NOVA1: variants seen among roughly 807,000 people sequenced by gnomAD.
The protein encoded by NOVA1 is NOVA alternative splicing regulator 1, also known as RNA-binding protein Nova-1.
Under a neutral mutation model 38.0 loss-of-function variants are expected in NOVA1, and 7 were observed. The observed-to-expected ratio is 0.18, with a 90% CI of 0.10 to 0.35. The LOEUF (loss-of-function observed/expected upper bound fraction) is 0.35. Ranked by LOEUF, NOVA1 falls within the 10% of genes least tolerant of loss-of-function variation. NOVA1 has a pLI of 1.00. For synonymous variants in NOVA1, 270 were observed against 232.5 expected (o/e 1.16, Z -1.47); for missense variants, 460 against 616.0 (o/e 0.75, Z 2.68).
chr14:26,474,037 T>C (rs924197197), intron 3 of NOVA1, among the ~76,000 whole-genome samples: 1 of 152,034 alleles, frequency 6.6e-6, no homozygotes, highest in African/African-American at 2.4e-5. Flanking sequence ...GATTGTTCTA[T>C]GAATTGAACA....
chr14:26,533,690 T>C (rs1256469516), intron 2 of NOVA1, among the ~76,000 whole-genome samples: 1 of 152,192 alleles, frequency 6.6e-6, no homozygotes, highest in Non-Finnish European at 1.5e-5. Flanking sequence ...TTTCTATTTC[T>C]TATGTCTCTA....
chr14:26,509,434 C>G (rs1887889716), intron 2 of NOVA1, among the ~76,000 whole-genome samples: 1 of 151,900 alleles, frequency 6.6e-6, no homozygotes, highest in Admixed American at 6.6e-5. Flanking sequence ...CAAAAGTTAG[C>G]AATTAAGTAT....
In NOVA1 at chr14:26,546,667, G is replaced by A. The variant is rs1413820830; in HGVS notation, c.280+48743C>T. 2.0e-5 allele frequency among the ~76,000 whole-genome samples: 3 copies of A among 152,046 alleles called. No individual in the cohort carries two copies. In the East Asian group the frequency reaches 5.8e-4, roughly 29 times the overall value. On this transcript the variant is annotated intron_variant, in intron 2 of 4. Coordinates refer to ENST00000539517, the MANE Select transcript of NOVA1 (RefSeq NM_002515.3). The stretch of plus-strand genomic sequence containing the variant: ...AGCCTCTAATGGAAAGCTAGATGTT[G>A]CCAGGACATTATCACAAGAGGTCTA...
At chr14:26,544,785 G>A (rs1026636530) in intron 2 of NOVA1, among the ~76,000 whole-genome samples, 1 of 151,974 alleles carries the variant, frequency 6.6e-6, no homozygotes, top group Non-Finnish European at 1.5e-5. Flanking sequence ...CACTTAAACA[G>A]CATTTTATCA....
chr14:26,486,422 G>A (rs1885893262), intron 2 of NOVA1, among the ~76,000 whole-genome samples: 1 of 151,780 alleles, frequency 6.6e-6, no homozygotes, highest in African/African-American at 2.4e-5. Context: ...TAACAAGTAG[G>A]TTCCGGGCCG....
intron 2 of NOVA1, among the ~76,000 whole-genome samples, chr14:26,534,286 C>A (rs1039938823): frequency 3.3e-5 from 5 of 152,118 alleles, no homozygotes; most frequent in African/African-American, 9.7e-5. Context: ...TACATAAATA[C>A]AACAAAACAT....
At chr14:26,543,505 T>A (rs1382882377) in intron 2 of NOVA1, among the ~76,000 whole-genome samples, 2 of 151,910 alleles carry the variant, frequency 1.3e-5, no homozygotes, top group African/African-American at 4.8e-5. Flanking sequence ...AACAAAGTAT[T>A]AATGAGAACA....
chr14:26,449,607 A>T (rs1882451148), intron 4 of NOVA1, among the ~76,000 whole-genome samples: 1 of 152,210 alleles, frequency 6.6e-6, no homozygotes, highest in South Asian at 2.1e-4. Context: ...GTTATTTCTA[A>T]ATAATTAATA....
chr14:26,582,835 A>G (rs1312239796), intron 2 of NOVA1, among the ~76,000 whole-genome samples: 1 of 151,786 alleles, frequency 6.6e-6, no homozygotes, highest in Admixed American at 6.6e-5. Context: ...AGGAGACTAT[A>G]TCATAAAAGT....
intron 4 of NOVA1, among the ~76,000 whole-genome samples, chr14:26,458,154 G>GT (rs1477305272): frequency 1.3e-5 from 2 of 151,950 alleles, no homozygotes; most frequent in Non-Finnish European, 2.9e-5. Flanking sequence ...ACTCAGAATG[G>GT]TTATTAAAAA....
At chr14:26,476,958 G>T (rs1021015219) in intron 3 of NOVA1, among the ~76,000 whole-genome samples, 2 of 147,992 alleles carry the variant, frequency 1.4e-5, no homozygotes, top group African/African-American at 2.6e-5. Context: ...CAGGTGCTCT[G>T]CTCGCCTCAG....
chr14:26,549,632 T>C, intron 2 of NOVA1: 1 of 801,522 alleles, frequency 1.2e-6, no homozygotes, highest in South Asian at 1.6e-5. Flanking sequence ...ATTTGTTATT[T>C]TCTCTTATTG....
intron 2 of NOVA1, among the ~76,000 whole-genome samples, chr14:26,498,115 A>G: frequency 6.6e-6 from 1 of 152,122 alleles, no homozygotes; most frequent in Non-Finnish European, 1.5e-5. Context: ...GCTGGAGTGT[A>G]GTGGTGCGAT....
At chr14:26,504,766 C>T (rs527517794) in intron 2 of NOVA1, among the ~76,000 whole-genome samples, 2 of 113,126 alleles carry the variant, frequency 1.8e-5, no homozygotes, top group Admixed American at 2.1e-4. Context: ...AATGAACAAA[C>T]GACAGTAAGT....
At chr14:26,455,769 T>C (rs1883123048) in intron 4 of NOVA1, among the ~76,000 whole-genome samples, 2 of 152,022 alleles carry the variant, frequency 1.3e-5, no homozygotes, top group Admixed American at 1.3e-4. Flanking sequence ...ACTATTCCTG[T>C]TGAGATGATG....
chr14:26,543,086 G>A (rs2138606083), intron 2 of NOVA1, among the ~76,000 whole-genome samples: 1 of 152,054 alleles, frequency 6.6e-6, no homozygotes, highest in South Asian at 2.1e-4. Flanking sequence ...TGAGGTGATG[G>A]ATATCCCAAT....
intron 2 of NOVA1, among the ~76,000 whole-genome samples, chr14:26,556,271 G>A (rs1891473369): frequency 6.6e-6 from 1 of 152,072 alleles, no homozygotes; most frequent in Non-Finnish European, 1.5e-5. Flanking sequence ...TCAAGACAAT[G>A]TGGTACTGGT....
At chr14:26,472,535 G>A in intron 3 of NOVA1, 144 bp from the exon 4 acceptor site, 1 of 431,890 alleles carries the variant, frequency 2.3e-6, no homozygotes, top group Non-Finnish European at 4.2e-6. Flanking sequence ...TGAATTTAAT[G>A]GATTTTAACA....
intron 2 of NOVA1, among the ~76,000 whole-genome samples, chr14:26,531,334 G>A (rs151327198): frequency 0.012 from 1,813 of 152,292 alleles, 41 homozygotes; most frequent in African/African-American, 0.041. Flanking sequence ...GAGGCTGGGC[G>A]CGGTGGCTCA....
Sources: gnomAD v4.1 joint callset for allele counts (sites outside exome capture counted in the v4.1 genomes callset) on GRCh38, gnomAD v4.1.1 for gene constraint, MANE v1.5 for transcripts, NCBI Gene and HGNC (gene_info 2026-07-23, HGNC 2026-07-21) for gene names.